The following CDH20 variants were observed in gnomAD, a reference collection of about 807,000 sequenced individuals.
CDH20 encodes cadherin-20.
In CDH20, 29 loss-of-function variants were observed where a neutral mutation model predicts 74.2. The ratio of observed to expected loss-of-function variants is 0.39; its 90% CI spans 0.29 to 0.53. The LOEUF is 0.53. Among genes scored for constraint, CDH20 ranks in the 20% least tolerant of loss-of-function variants. CDH20 has a pLI of 0.69. For missense variants in CDH20, 988 were observed against 1,048.3 expected, an observed-to-expected ratio of 0.94 and a Z score of 0.79; for synonymous variants, 469 against 405.4, an observed-to-expected ratio of 1.16 and a Z score of -1.88.
chr18:61,381,885 G>T (rs76448339), intron 1 of CDH20, among the ~76,000 whole-genome samples: 5,815 of 152,086 alleles, frequency 0.038, 157 homozygotes, highest in South Asian at 0.083. Flanking sequence ...TTTATATTCC[G>T]CATCTCAACA....
At chr18:61,464,628 T>C (rs1909901556) in intron 1 of CDH20, among the ~76,000 whole-genome samples, 1 of 152,152 alleles carries the variant, frequency 6.6e-6, no homozygotes, top group South Asian at 2.1e-4. Flanking sequence ...AGCTGACAGT[T>C]CCCTGCCAAA....
At position 61,391,278 on chromosome 18, in the gene CDH20, C is replaced by T. The variant is rs141646805; in HGVS notation, c.-153+57451C>T. ...AGTTAAAATACTGAATTTTGTTTAC[C>T]TATTAGCCAGCTAAAATTAAAAAGA... On this transcript the variant is annotated intron_variant, in intron 1 of 11. Coordinates refer to ENST00000262717, the MANE Select transcript of CDH20 (RefSeq NM_031891.4). Among the ~76,000 whole-genome samples, 879 of 152,116 alleles carry T rather than the reference C, an allele frequency of 5.8e-3. 7 individuals are homozygous for T. Among genetic ancestry groups the T allele is most frequent in the African/African-American group, 0.02 (831 of 41,496 alleles).
At chr18:61,509,533 A>T (rs567979910) in intron 6 of CDH20, among the ~76,000 whole-genome samples, 5 of 152,244 alleles carry the variant, frequency 3.3e-5, no homozygotes, top group East Asian at 3.9e-4. Flanking sequence ...GGAGGGGGGA[A>T]CTCTTAGGAG....
At chr18:61,417,574 G>T (rs1325024775) in intron 1 of CDH20, among the ~76,000 whole-genome samples, 1 of 24,450 alleles carries the variant, frequency 4.1e-5, no homozygotes, top group Non-Finnish European at 7.9e-5. Context: ...TCAGATGTGG[G>T]AGCTAAAAAA....
intron 2 of CDH20, among the ~76,000 whole-genome samples, chr18:61,491,788 AC>A (rs1910968276): frequency 6.6e-6 from 1 of 151,252 alleles, no homozygotes; most frequent in Non-Finnish European, 1.5e-5. Flanking sequence ...GCCCAATCAC[AC>A]CTCCCAGTCA....
chr18:61,420,613 G>T (rs756876735), intron 1 of CDH20, among the ~76,000 whole-genome samples: 1 of 152,110 alleles, frequency 6.6e-6, no homozygotes, highest in Non-Finnish European at 1.5e-5. Context: ...GTTTCCAGGG[G>T]AGAGGTGCTG....
intron 1 of CDH20, among the ~76,000 whole-genome samples, chr18:61,425,911 G>A (rs927124806): frequency 6.6e-5 from 10 of 152,244 alleles, no homozygotes; most frequent in South Asian, 2.1e-4. Flanking sequence ...TTCCATGTTC[G>A]TGGATTGGAA....
intron 1 of CDH20, among the ~76,000 whole-genome samples, chr18:61,473,790 T>C (rs1412917582): frequency 6.6e-6 from 1 of 152,188 alleles, no homozygotes; most frequent in African/African-American, 2.4e-5. Flanking sequence ...AATTTTGCCT[T>C]GCTCCAAGTG....
intron 1 of CDH20, among the ~76,000 whole-genome samples, chr18:61,335,136 C>T (rs865911931): frequency 1.3e-5 from 2 of 152,184 alleles, no homozygotes; most frequent in African/African-American, 2.4e-5. Context: ...CTTCCTCAGC[C>T]GCCTCTGGCT....
intron 1 of CDH20, among the ~76,000 whole-genome samples, chr18:61,459,753 T>G (rs1909703876): frequency 6.6e-6 from 1 of 152,052 alleles, no homozygotes; most frequent in Admixed American, 6.6e-5. Context: ...TCTACACCAC[T>G]CCAGGAGCCT....
intron 6 of CDH20, among the ~76,000 whole-genome samples, chr18:61,524,055 T>TATAATA (rs141655676): frequency 2.8e-4 from 43 of 151,262 alleles, no homozygotes; most frequent in Non-Finnish European, 5.2e-4. Context: ...GGATTTAAAG[T>TATAATA]ATAATAATAA....
At chr18:61,373,941 T>C (rs1406158846) in intron 1 of CDH20, among the ~76,000 whole-genome samples, 2 of 152,150 alleles carry the variant, frequency 1.3e-5, no homozygotes, top group Admixed American at 6.6e-5. Context: ...GCCCAAGTCT[T>C]TCAATACAGT....
chr18:61,358,601 T>G (rs529121474), intron 1 of CDH20, among the ~76,000 whole-genome samples: 1 of 152,318 alleles, frequency 6.6e-6, no homozygotes, highest in South Asian at 2.1e-4. Context: ...GTTAATAGTT[T>G]GATTCTGACT....
chr18:61,371,419 C>G (rs997358678), intron 1 of CDH20, among the ~76,000 whole-genome samples: 1 of 151,902 alleles, frequency 6.6e-6, no homozygotes, highest in Admixed American at 6.6e-5. Flanking sequence ...AGGTTGTTAT[C>G]CATGTATTGA....
intron 1 of CDH20, among the ~76,000 whole-genome samples, chr18:61,463,447 C>T (rs1356977745): frequency 6.6e-6 from 1 of 152,062 alleles, no homozygotes; most frequent in African/African-American, 2.4e-5. Context: ...GTCAGACTTT[C>T]AAAGAATTCC....
intron 2 of CDH20, among the ~76,000 whole-genome samples, chr18:61,498,034 C>A (rs1189846268): frequency 6.6e-6 from 1 of 152,156 alleles, no homozygotes; most frequent in Non-Finnish European, 1.5e-5. Flanking sequence ...TTAGATATTA[C>A]AGATGCAGAA....
chr18:61,527,892 C>A, intron 6 of CDH20, 75 bp from the exon 7 acceptor site: 4 of 1,407,816 alleles, frequency 2.8e-6, no homozygotes, highest in East Asian at 2.3e-5. Flanking sequence ...CAATATTGGG[C>A]ATCCTTTTGA....
intron 1 of CDH20, among the ~76,000 whole-genome samples, chr18:61,338,219 G>T (rs1474334969): frequency 6.6e-6 from 1 of 152,032 alleles, no homozygotes; most frequent in East Asian, 1.9e-4. Context: ...TTTAAAAAAT[G>T]CACTGTCTAC....
At chr18:61,518,290 A>G (rs1305726387) in intron 6 of CDH20, among the ~76,000 whole-genome samples, 2 of 152,160 alleles carry the variant, frequency 1.3e-5, no homozygotes, top group African/African-American at 4.8e-5. Context: ...TGCCTCCTCA[A>G]TTGGGTCCTT....
Sources: allele counts gnomAD v4.1 joint callset (sites outside exome capture counted in the v4.1 genomes callset), GRCh38; gene constraint gnomAD v4.1.1; transcripts MANE v1.5; gene names NCBI Gene and HGNC (gene_info 2026-07-23, HGNC 2026-07-21).